The following CCDC38 variants were observed in gnomAD, a reference collection of about 807,000 sequenced individuals.
The protein encoded by CCDC38 is coiled-coil domain containing 38.
In CCDC38, 69 loss-of-function variants were observed where a neutral mutation model predicts 72.8. That is an observed-to-expected ratio of 0.95 (90% CI 0.78 to 1.16). The LOEUF (loss-of-function observed/expected upper bound fraction) is 1.16, where lower values mean the gene tolerates loss of function less well. Ranked by LOEUF, CCDC38 falls within the 50% of genes most tolerant of loss-of-function variation. The pLI is 0.00. For synonymous variants in CCDC38, 201 were observed against 213.2 expected, an observed-to-expected ratio of 0.94 and a Z score of 0.50; for missense variants, 626 against 638.9, an observed-to-expected ratio of 0.98 and a Z score of 0.22.
At chr12:95,939,919 C>T (rs1176686836) in intron 1 of CCDC38, among the ~76,000 whole-genome samples, 1 of 152,044 alleles carries the variant, frequency 6.6e-6, no homozygotes, top group Non-Finnish European at 1.5e-5. Context: ...TAACTCCTGC[C>T]TCTGACTCTT....
rs1273671842 is a variant in CCDC38, at chr12:95,927,834, A to C, written c.37+8639T>G. 4.7e-5 allele frequency among the ~76,000 whole-genome samples: 7 copies of C among 148,728 alleles called. No homozygotes were observed. The Admixed American group carries it at 4.7e-4, about 10-fold the overall frequency. On this transcript the variant is annotated intron_variant, in intron 2 of 15. Transcript: ENST00000344280. ...GCTGGATATGAAATTCTGGGTTGAA[A>C]ATTCTTTTCTTTAAGAATGTTGAAT...
At chr12:95,941,858 TC>T (rs2080454908) in intron 1 of CCDC38, among the ~76,000 whole-genome samples, 1 of 72,754 alleles carries the variant, frequency 1.4e-5, no homozygotes, top group Non-Finnish European at 2.9e-5. Flanking sequence ...TGATGCCCCC[TC>T]CCCCCCACCC....
chr12:95,881,601 T>G (rs778012296), intron 10 of CCDC38, 47 bp from the exon 11 acceptor site: 2 of 1,501,582 alleles, frequency 1.3e-6, no homozygotes, highest in Middle Eastern at 1.7e-4. Flanking sequence ...GTGAGCCATT[T>G]TCTGTCAACA....
At chr12:95,933,816 C>T (rs796556121) in intron 2 of CCDC38, 7 of 152,268 alleles carry the variant, frequency 4.6e-5, no homozygotes, top group African/African-American at 1.7e-4. Flanking sequence ...GGTACATTTG[C>T]ATTTTGTGAT....
chr12:95,939,292 T>C (rs2080425250), intron 1 of CCDC38, among the ~76,000 whole-genome samples: 1 of 152,100 alleles, frequency 6.6e-6, no homozygotes, highest in Admixed American at 6.5e-5. Context: ...GCACCCCAGA[T>C]GAAGCCAGAG....
intron 2 of CCDC38, among the ~76,000 whole-genome samples, chr12:95,926,299 T>C (rs1287965490): frequency 6.6e-6 from 1 of 152,158 alleles, no homozygotes; most frequent in East Asian, 1.9e-4. Flanking sequence ...AATTTATCCA[T>C]TTCTTCTAGA....
intron 15 of CCDC38, among the ~76,000 whole-genome samples, chr12:95,868,936 A>G (rs10745734): frequency 0.75 from 113,807 of 152,074 alleles, 43,346 homozygotes; most frequent in African/African-American, 0.82. Context: ...TGTGGGGATT[A>G]TACACAGTCC....
At chr12:95,938,865 A>G (rs2080420369) in intron 1 of CCDC38, among the ~76,000 whole-genome samples, 1 of 152,268 alleles carries the variant, frequency 6.6e-6, no homozygotes, top group South Asian at 2.1e-4. Context: ...ATTGGATTGC[A>G]TAGCAAATGC....
chr12:95,876,775 T>G lies in CCDC38; in HGVS notation c.1278+1436A>C, dbSNP rs574774056. 3.0e-4 allele frequency among the ~76,000 whole-genome samples: 45 copies of G among 152,304 alleles called. No individual in the cohort carries two copies. The South Asian group carries it at 8.7e-3, about 29-fold the overall frequency. On this transcript the variant is annotated intron_variant, in intron 13 of 15. Coordinates refer to ENST00000344280, the MANE Select transcript of CCDC38 (RefSeq NM_182496.3). ...CTGTGGGTAGGGGAGGACAGTCTTC[T>G]TCTGATGCAGTTCTCCCAGTTCTAC... is the stretch of plus-strand genomic sequence containing the variant.
intron 11 of CCDC38, among the ~76,000 whole-genome samples, chr12:95,880,607 C>G (rs900208190): frequency 4.0e-5 from 6 of 150,658 alleles, no homozygotes; most frequent in Non-Finnish European, 7.4e-5. Flanking sequence ...GAGCTGAGAT[C>G]GTGCCACTGC....
intron 4 of CCDC38, among the ~76,000 whole-genome samples, chr12:95,909,251 C>T (rs1280035276): frequency 2.6e-5 from 4 of 151,944 alleles, no homozygotes; most frequent in Non-Finnish European, 5.9e-5. Context: ...ACAAAAGATC[C>T]ACAGAGACTA....
chr12:95,871,681 G>GAGTGAATGTTGAGGAGTAAATC, intron 14 of CCDC38, among the ~76,000 whole-genome samples: 1 of 151,712 alleles, frequency 6.6e-6, no homozygotes, highest in African/African-American at 2.4e-5. Flanking sequence ...AGGAATAAAT[G>GAGTGAATGTTGAGGAGTAAATC]AGTGAATGTT....
chr12:95,876,587 G>GA (rs1466248029), intron 13 of CCDC38, among the ~76,000 whole-genome samples: 1 of 152,048 alleles, frequency 6.6e-6, no homozygotes, highest in Non-Finnish European at 1.5e-5. Flanking sequence ...AAAATGGTTA[G>GA]AAAAAAACAG....
chr12:95,872,159 A>AT, intron 14 of CCDC38, 96 bp downstream of exon 14: 1 of 1,084,886 alleles, frequency 9.2e-7, no homozygotes, highest in Non-Finnish European at 1.4e-6. Context: ...CTGTGTCCCT[A>AT]TAATATGACA....
At chr12:95,925,759 G>A (rs80037280) in intron 2 of CCDC38, among the ~76,000 whole-genome samples, 1 of 151,722 alleles carries the variant, frequency 6.6e-6, no homozygotes, top group Non-Finnish European at 1.5e-5. Flanking sequence ...AAGGGTTGTT[G>A]AATTTTGTCA....
At chr12:95,932,831 A>G (rs148890458) in intron 2 of CCDC38, among the ~76,000 whole-genome samples, 1,777 of 152,326 alleles carry the variant, frequency 0.012, 15 homozygotes, top group Middle Eastern at 0.024. Context: ...ACCCTTCCCA[A>G]GAGGAACAGG....
At chr12:95,881,657 TA>T in intron 10 of CCDC38, 103 bp from the exon 11 acceptor site, 1 of 817,006 alleles carries the variant, frequency 1.2e-6, no homozygotes, top group South Asian at 1.6e-5. Flanking sequence ...AACTGTAACA[TA>T]ATTATTTTCA....
intron 13 of CCDC38, among the ~76,000 whole-genome samples, chr12:95,874,719 A>G (rs989669037): frequency 6.6e-6 from 1 of 152,142 alleles, no homozygotes; most frequent in Admixed American, 6.5e-5. Flanking sequence ...TGGGACAGGA[A>G]TTATGGAAGA....
In CCDC38 at chr12:95,890,861, TC is replaced by T; in HGVS notation, c.841del (p.Glu281LysfsTer17). On this transcript the variant is annotated frameshift_variant, in exon 9 of 16. Transcript: ENST00000344280. LOFTEE classifies it high-confidence loss of function. The part of the protein sequence containing the change: ...EESGRTAVLS[E>X]DASQGRDSQG... The stretch of plus-strand genomic sequence containing the variant: ...GCTGTCTCTTCCCTGAGAAGCATCT[TC>T]TGAAAGGACAGCTGTCCTCCCGGAC... The T allele has an allele frequency of 6.2e-7, 1 of 1,606,814 alleles. No homozygotes were observed. Among genetic ancestry groups the T allele is most frequent in the Non-Finnish European group, 8.5e-7 (1 of 1,174,848 alleles).
Sources: gnomAD v4.1 joint callset for allele counts (sites outside exome capture counted in the v4.1 genomes callset) on GRCh38, gnomAD v4.1.1 for gene constraint, MANE v1.5 for transcripts, NCBI Gene and HGNC (gene_info 2026-07-23, HGNC 2026-07-21) for gene names.